LRRC4C: variants seen among roughly 807,000 people sequenced by gnomAD.
LRRC4C encodes leucine-rich repeat-containing protein 4C.
Under a neutral mutation model 33.6 loss-of-function variants are expected in LRRC4C, and 5 were observed. The ratio of observed to expected loss-of-function variants is 0.15; its 90% confidence interval spans 0.08 to 0.31. The LOEUF is 0.31. Ranked by LOEUF, LRRC4C falls within the 10% of genes least tolerant of loss-of-function variation. LRRC4C has a pLI of 1.00. For missense variants in LRRC4C, 560 were observed against 796.7 expected, an observed-to-expected ratio of 0.70 and a Z score of 3.58; for synonymous variants, 329 against 302.0, an observed-to-expected ratio of 1.09 and a Z score of -0.93.
At chr11:41,248,183 T>C (rs538753000) in intron 1 of LRRC4C, among the ~76,000 whole-genome samples, 2 of 152,232 alleles carry the variant, frequency 1.3e-5, no homozygotes, top group African/African-American at 2.4e-5. Flanking sequence ...ACAAATATTC[T>C]CTTGTCCCAA....
chr11:40,568,567 T>C (rs2135550202), intron 3 of LRRC4C, among the ~76,000 whole-genome samples: 1 of 152,262 alleles, frequency 6.6e-6, no homozygotes, highest in South Asian at 2.1e-4. Flanking sequence ...TCCACGAAAA[T>C]CTAATTTGCC....
intron 2 of LRRC4C, among the ~76,000 whole-genome samples, chr11:40,887,588 G>T (rs562517009): frequency 2.0e-5 from 3 of 152,078 alleles, no homozygotes; most frequent in Non-Finnish European, 2.9e-5. Context: ...CATTGGAGTT[G>T]GTTGTTACCC....
intron 2 of LRRC4C, among the ~76,000 whole-genome samples, chr11:40,662,039 CTT>C (rs1317336341): frequency 2.6e-5 from 4 of 152,224 alleles, no homozygotes; most frequent in African/African-American, 7.2e-5. Context: ...CAAATTCACT[CTT>C]AGCATTTATA....
intron 1 of LRRC4C, among the ~76,000 whole-genome samples, chr11:40,996,503 C>T (rs1853984198): frequency 6.6e-6 from 1 of 152,068 alleles, no homozygotes; most frequent in African/African-American, 2.4e-5. Context: ...ATAATTATGT[C>T]TGACAAACAA....
At chr11:41,392,010 A>G (rs182294139) in intron 1 of LRRC4C, among the ~76,000 whole-genome samples, 1 of 152,050 alleles carries the variant, frequency 6.6e-6, no homozygotes, top group East Asian at 1.9e-4. Flanking sequence ...AGAAAACTAT[A>G]TGTATAAAAA....
chr11:41,129,209 G>A (rs60606597), intron 1 of LRRC4C, among the ~76,000 whole-genome samples: 2,937 of 151,884 alleles, frequency 0.019, 54 homozygotes, highest in African/African-American at 0.042. Flanking sequence ...TAGGTCTCTC[G>A]TTCTTAAGTG....
intron 2 of LRRC4C, among the ~76,000 whole-genome samples, chr11:40,919,083 T>G (rs1226545047): frequency 6.6e-6 from 1 of 152,158 alleles, no homozygotes; most frequent in Non-Finnish European, 1.5e-5. Flanking sequence ...TTTATTAAAG[T>G]TTGGTTATCT....
intron 2 of LRRC4C, among the ~76,000 whole-genome samples, chr11:40,652,695 ATCTT>A (rs1390440114): frequency 1.3e-5 from 2 of 152,218 alleles, no homozygotes; most frequent in Non-Finnish European, 2.9e-5. Flanking sequence ...CTTCTACTGC[ATCTT>A]TCTACTTATC....
intron 1 of LRRC4C, among the ~76,000 whole-genome samples, chr11:41,026,294 T>C (rs1278697733): frequency 1.3e-5 from 2 of 151,570 alleles, no homozygotes; most frequent in African/African-American, 4.8e-5. Context: ...CCAACCATTA[T>C]GGATGATTTT....
At chr11:41,164,962 C>A (rs761777755) in intron 1 of LRRC4C, among the ~76,000 whole-genome samples, 2 of 152,090 alleles carry the variant, frequency 1.3e-5, no homozygotes, top group African/African-American at 2.4e-5. Flanking sequence ...CTCCCAGGAT[C>A]GATTGTATCT....
At chr11:40,909,803 A>AT (rs1448438532) in intron 2 of LRRC4C, among the ~76,000 whole-genome samples, 2 of 152,162 alleles carry the variant, frequency 1.3e-5, no homozygotes, top group African/African-American at 4.8e-5. Context: ...TTATTATACT[A>AT]TTTTTAAAGA....
At chr11:40,160,309 C>T (rs893303702) in intron 5 of LRRC4C, among the ~76,000 whole-genome samples, 2 of 151,968 alleles carry the variant, frequency 1.3e-5, no homozygotes, top group Non-Finnish European at 2.9e-5. Context: ...GAGCAACTGT[C>T]AGTGGGTTGT....
chr11:41,172,129 G>C (rs543563740), intron 1 of LRRC4C, among the ~76,000 whole-genome samples: 1 of 152,100 alleles, frequency 6.6e-6, no homozygotes, highest in African/African-American at 2.4e-5. Context: ...GGCGGAGGGA[G>C]AACTGGCTGA....
At chr11:40,520,901 G>T (rs1018486088) in intron 3 of LRRC4C, among the ~76,000 whole-genome samples, 1 of 151,904 alleles carries the variant, frequency 6.6e-6, no homozygotes, top group Admixed American at 6.6e-5. Flanking sequence ...TATATTGATG[G>T]TATATACTCA....
chr11:40,667,706 G>A (rs1943887660), intron 2 of LRRC4C, among the ~76,000 whole-genome samples: 2 of 152,190 alleles, frequency 1.3e-5, no homozygotes, highest in Admixed American at 1.3e-4. Context: ...GATAGCCAGT[G>A]AGAAATGGGA....
chr11:41,416,578 T>C (rs569692823), intron 1 of LRRC4C, among the ~76,000 whole-genome samples: 8 of 152,094 alleles, frequency 5.3e-5, no homozygotes, highest in African/African-American at 1.9e-4. Context: ...TACGGACACT[T>C]TACTATGTTT....
At chr11:40,771,568 G>T (rs1454164772) in intron 2 of LRRC4C, among the ~76,000 whole-genome samples, 1 of 152,064 alleles carries the variant, frequency 6.6e-6, no homozygotes, top group Non-Finnish European at 1.5e-5. Context: ...GGTTTTTGTT[G>T]TTTTATCATA....
At chr11:40,689,072 G>A (rs376879465) in intron 2 of LRRC4C, among the ~76,000 whole-genome samples, 2 of 151,834 alleles carry the variant, frequency 1.3e-5, no homozygotes, top group South Asian at 2.1e-4. Flanking sequence ...TAGAAAAAGA[G>A]CCCTAGATAA....
intron 2 of LRRC4C, among the ~76,000 whole-genome samples, chr11:40,777,275 T>A (rs1459599088): frequency 6.6e-6 from 1 of 152,208 alleles, no homozygotes; most frequent in Non-Finnish European, 1.5e-5. Flanking sequence ...AGGATTTTTG[T>A]TGTTAGTTTT....
Sources: allele counts gnomAD v4.1 joint callset (sites outside exome capture counted in the v4.1 genomes callset), GRCh38; gene constraint gnomAD v4.1.1; transcripts MANE v1.5; gene names NCBI Gene and HGNC (gene_info 2026-07-23, HGNC 2026-07-21).